Variants in PTPRD observed in about 807,000 individuals in gnomAD.
PTPRD encodes the protein receptor-type tyrosine-protein phosphatase delta.
A neutral mutation model predicts 214.5 loss-of-function variants in PTPRD; 34 were observed. The ratio of observed to expected loss-of-function variants is 0.16; its 90% CI spans 0.12 to 0.21. The LOEUF is 0.21. PTPRD is among the 10% of genes least tolerant of loss of function. PTPRD has a pLI of 1.00. For synonymous variants in PTPRD, 1,128 were observed against 845.7 expected, an observed-to-expected ratio of 1.33 and a Z score of -5.79; for missense variants, 2,545 against 2,398.7, an observed-to-expected ratio of 1.06 and a Z score of -1.27.
At chr9:9,455,120 A>C (rs932556441) in intron 8 of PTPRD, among the ~76,000 whole-genome samples, 18 of 151,614 alleles carry the variant, frequency 1.2e-4, no homozygotes, top group African/African-American at 3.9e-4. Context: ...TTTTCCTTAA[A>C]AGTTTTACTT....
At chr9:9,639,077 T>C (rs1485704217) in intron 7 of PTPRD, among the ~76,000 whole-genome samples, 1 of 152,216 alleles carries the variant, frequency 6.6e-6, no homozygotes, top group Non-Finnish European at 1.5e-5. Context: ...GGAGGACTAA[T>C]TCAAACCATA....
At chr9:9,706,564 C>T (rs377524140) in intron 7 of PTPRD, among the ~76,000 whole-genome samples, 23 of 151,900 alleles carry the variant, frequency 1.5e-4, no homozygotes, top group African/African-American at 4.8e-4. Context: ...TTCAGCCTCC[C>T]GAGTAGATGG....
chr9:8,523,502 A>G lies in PTPRD; in HGVS notation c.691+11T>C, dbSNP rs2097932963. The G allele has an allele frequency of 6.2e-7, 1 of 1,612,962 alleles. No homozygotes were observed. Among genetic ancestry groups the G allele is most frequent in the South Asian group, 1.1e-5 (1 of 91,000 alleles). On this transcript the variant is annotated intron_variant, in intron 19 of 45. Transcript: ENST00000381196. The stretch of plus-strand genomic sequence containing the variant: ...TTTGTAAGGTGGGTAAAAAGTAAAA[A>G]ACACACCAACCTTCTCGCAGCTCTG...
At chr9:9,099,633 T>C (rs1004134876) in intron 10 of PTPRD, among the ~76,000 whole-genome samples, 3 of 152,218 alleles carry the variant, frequency 2.0e-5, no homozygotes, top group Admixed American at 6.5e-5. Context: ...GATGCATTTC[T>C]ACAATTGTAA....
chr9:10,288,048 T>A (rs1447814200), intron 3 of PTPRD, among the ~76,000 whole-genome samples: 1 of 151,724 alleles, frequency 6.6e-6, no homozygotes, highest in East Asian at 1.9e-4. Context: ...GGGAGATGAA[T>A]ATGAATCAAT....
chr9:9,076,322 T>G (rs572050405), intron 10 of PTPRD, among the ~76,000 whole-genome samples: 3 of 152,120 alleles, frequency 2.0e-5, no homozygotes, highest in Admixed American at 2.0e-4. Flanking sequence ...TTGCAAAAAT[T>G]TTCCCCCGTT....
rs112155650 is a variant in PTPRD at position 9,931,674 on chromosome 9, G to C, written c.-368+6833C>G. Among the ~76,000 whole-genome samples the C allele has an allele frequency of 1.1e-3, 166 of 149,990 alleles. 1 individual carries two copies. The highest frequency in any genetic ancestry group is 7.4e-4 in the Non-Finnish European group (50 of 67,554). ...GAGGGGCGCCCACCATTGCCCAGGC[G>C]TGCTTAGGTAAACAAAGCAGCTGGG... On this transcript the variant is annotated intron_variant, in intron 5 of 45. Coordinates refer to ENST00000381196, the MANE Select transcript of PTPRD (RefSeq NM_002839.4).
At chr9:10,581,072 T>C (rs1046267326) in intron 2 of PTPRD, among the ~76,000 whole-genome samples, 19 of 152,300 alleles carry the variant, frequency 1.2e-4, no homozygotes, top group Admixed American at 5.9e-4. Flanking sequence ...CGTAACCTTA[T>C]GCAAATTACA....
intron 9 of PTPRD, among the ~76,000 whole-genome samples, chr9:9,276,550 C>T (rs561305778): frequency 2.6e-5 from 4 of 151,380 alleles, no homozygotes; most frequent in Non-Finnish European, 4.4e-5. Flanking sequence ...GTATCATCGT[C>T]CTCAGTCACT....
At chr9:9,663,917 G>T (rs183566024) in intron 7 of PTPRD, among the ~76,000 whole-genome samples, 6 of 151,444 alleles carry the variant, frequency 4.0e-5, no homozygotes, top group African/African-American at 1.2e-4. Context: ...GATTTGAATA[G>T]TTTTTAAGAT....
chr9:8,843,852 C>T (rs1032248461), intron 11 of PTPRD, among the ~76,000 whole-genome samples: 3 of 152,074 alleles, frequency 2.0e-5, no homozygotes, highest in Non-Finnish European at 4.4e-5. Context: ...TTCCAAAGAC[C>T]AAGATGGAGA....
At chr9:10,047,065 G>T (rs1389443607) in intron 3 of PTPRD, among the ~76,000 whole-genome samples, 1 of 151,698 alleles carries the variant, frequency 6.6e-6, no homozygotes, top group African/African-American at 2.4e-5. Flanking sequence ...TATCTTGTAT[G>T]ACAAAGAATG....
chr9:8,492,756 T>A, intron 27 of PTPRD, 106 bp downstream of exon 27: 1 of 730,254 alleles, frequency 1.4e-6, no homozygotes, highest in Non-Finnish European at 2.1e-6. Flanking sequence ...CATAGTCCAT[T>A]TATTTCCTCT....
At chr9:8,663,892 G>T (rs2097119905) in intron 12 of PTPRD, among the ~76,000 whole-genome samples, 1 of 137,388 alleles carries the variant, frequency 7.3e-6, no homozygotes. Context: ...TCTTCAAAGT[G>T]CATTAAAAAA....
At chr9:9,527,416 T>A (rs2074377568) in intron 8 of PTPRD, among the ~76,000 whole-genome samples, 1 of 152,226 alleles carries the variant, frequency 6.6e-6, no homozygotes. Context: ...CATGTCACTA[T>A]CTTGTCAGTA....
At chr9:8,339,987 C>T (rs904205998) in intron 42 of PTPRD, among the ~76,000 whole-genome samples, 4 of 151,982 alleles carry the variant, frequency 2.6e-5, no homozygotes, top group African/African-American at 9.7e-5. Context: ...AGTCAAGTTC[C>T]TTCATAAGTA....
At chr9:9,536,210 A>T (rs948300667) in intron 8 of PTPRD, among the ~76,000 whole-genome samples, 4 of 151,946 alleles carry the variant, frequency 2.6e-5, no homozygotes, top group African/African-American at 9.7e-5. Context: ...TTTTGTATGT[A>T]TCTCTCTGCT....
At chr9:9,343,424 G>C (rs2047599883) in intron 9 of PTPRD, among the ~76,000 whole-genome samples, 1 of 152,074 alleles carries the variant, frequency 6.6e-6, no homozygotes, top group South Asian at 2.1e-4. Context: ...ATTCTAACTG[G>C]TGTGAGTGGT....
intron 11 of PTPRD, among the ~76,000 whole-genome samples, chr9:8,987,612 C>T (rs937917144): frequency 1.3e-5 from 2 of 151,884 alleles, no homozygotes; most frequent in South Asian, 2.1e-4. Context: ...GTTTGTGGGT[C>T]TTTATGTATG....
Sources: allele counts gnomAD v4.1 joint callset (sites outside exome capture counted in the v4.1 genomes callset), GRCh38; gene constraint gnomAD v4.1.1; transcripts MANE v1.5; gene names NCBI Gene and HGNC (gene_info 2026-07-23, HGNC 2026-07-21).